Variants in COL11A1 observed in about 807,000 individuals in gnomAD.
COL11A1 encodes collagen alpha-1(XI) chain.
COL11A1 carries 74 observed loss-of-function variants against 265.2 expected under a neutral mutation model. That is an observed-to-expected ratio of 0.28 (90% CI 0.23 to 0.34). The LOEUF is 0.34. Ranked by LOEUF, COL11A1 falls within the 10% of genes least tolerant of loss-of-function variation. COL11A1 has a pLI of 1.00. For missense variants in COL11A1, 2,165 were observed against 2,263.6 expected, an observed-to-expected ratio of 0.96 and a Z score of 0.88; for synonymous variants, 816 against 727.6, an observed-to-expected ratio of 1.12 and a Z score of -1.96.
intron 44 of COL11A1, among the ~76,000 whole-genome samples, chr1:102,936,641 G>A (rs750611989): frequency 6.6e-6 from 1 of 152,040 alleles, no homozygotes; most frequent in Non-Finnish European, 1.5e-5. Flanking sequence ...ATAAAGAATT[G>A]TGTCAACACT....
intron 63 of COL11A1, among the ~76,000 whole-genome samples, chr1:102,886,399 T>C (rs1841841): frequency 0.49 from 74,303 of 151,960 alleles, 21,764 homozygotes; most frequent in East Asian, 0.67. Context: ...TCAGTTATGC[T>C]ATTTACACAT....
At chr1:102,910,879 A>G (rs1654591102) in intron 54 of COL11A1, among the ~76,000 whole-genome samples, 1 of 150,092 alleles carries the variant, frequency 6.7e-6, no homozygotes, top group South Asian at 2.1e-4. Context: ...GCCAGAAAAA[A>G]GATAAAAAAA....
intron 41 of COL11A1, among the ~76,000 whole-genome samples, chr1:102,953,061 A>T (rs895779091): frequency 1.3e-5 from 2 of 152,140 alleles, no homozygotes; most frequent in Non-Finnish European, 2.9e-5. Flanking sequence ...TTGTGTATAT[A>T]CTTTTTTTGT....
chr1:102,998,229 T>C, intron 25 of COL11A1, 81 bp downstream of exon 25: 1 of 1,158,826 alleles, frequency 8.6e-7, no homozygotes, highest in Non-Finnish European at 1.3e-6. Context: ...TAACCTCATA[T>C]AATCATTTCT....
At position 103,017,853 on chromosome 1, in the gene COL11A1, GC is replaced by G; in HGVS notation, c.1379del (p.Gly460AlafsTer34). ...AGIMGPPGLQ[G>X]PTGPPGDPGD... ...CAGGGTCACCAGGGGGTCCAGTGGG[GC>G]CTTGTAGACCTGGAGGACCCATAAT... On this transcript the variant is annotated frameshift_variant, in exon 11 of 67. Coordinates refer to ENST00000370096, the MANE Select transcript of COL11A1 (RefSeq NM_001854.4). LOFTEE classifies it high-confidence loss of function. The G allele has an allele frequency of 6.2e-7, 1 of 1,613,088 alleles. No homozygotes were observed. The highest frequency in any genetic ancestry group is 8.5e-7 in the Non-Finnish European group (1 of 1,179,192).
intron 25 of COL11A1, among the ~76,000 whole-genome samples, chr1:102,997,378 A>G (rs949258893): frequency 6.6e-6 from 1 of 151,990 alleles, no homozygotes; most frequent in African/African-American, 2.4e-5. Context: ...GAGCTTAGAA[A>G]AAGCACATAA....
At chr1:103,014,467 C>T (rs1308474854) in intron 13 of COL11A1, 44 bp downstream of exon 13, 1 of 1,467,616 alleles carries the variant, frequency 6.8e-7, no homozygotes, top group Non-Finnish European at 9.6e-7. Context: ...ATACTTGATA[C>T]AGAGTCAGTC....
At position 102,896,425 on chromosome 1, in the gene COL11A1, G is replaced by A. The variant is rs1652434607; in HGVS notation, c.4302+1700C>T. Among the ~76,000 whole-genome samples, 3 of 152,188 alleles carry A rather than the reference G, an allele frequency of 2.0e-5. No homozygotes were observed. The South Asian group carries it at 6.2e-4, about 32-fold the overall frequency. ...AAATTGCCATAAATGGCATTTTGAA[G>A]ATGATTTATCTGCCCATCCTCACCT... On this transcript the variant is annotated intron_variant, in intron 57 of 66. Coordinates refer to ENST00000370096, the MANE Select transcript of COL11A1 (RefSeq NM_001854.4).
chr1:103,004,743 A>G, intron 18 of COL11A1, 82 bp from the exon 19 acceptor site: 1 of 1,203,576 alleles, frequency 8.3e-7, no homozygotes, highest in South Asian at 1.3e-5. Flanking sequence ...TCCAAACCAA[A>G]TAAAACAGGA....
intron 49 of COL11A1, 122 bp downstream of exon 49, chr1:102,920,189 G>T: frequency 1.1e-6 from 1 of 938,828 alleles, no homozygotes; most frequent in Non-Finnish European, 1.7e-6. Flanking sequence ...GATGACATGT[G>T]AATCATATAA....
intron 1 of COL11A1, among the ~76,000 whole-genome samples, chr1:103,088,706 G>GCT (rs1180985442): frequency 6.6e-6 from 1 of 152,180 alleles, no homozygotes; most frequent in Non-Finnish European, 1.5e-5. Flanking sequence ...GCCCTTTTAA[G>GCT]CTGAGTCCCT....
intron 4 of COL11A1, among the ~76,000 whole-genome samples, chr1:103,044,179 C>A (rs1185733702): frequency 7.7e-6 from 1 of 130,716 alleles, no homozygotes. Flanking sequence ...TTTTTTTTTT[C>A]AAACACCCCA....
At position 103,022,883 on chromosome 1, in the gene COL11A1, C is replaced by T. The variant is rs779799630; in HGVS notation, c.1104G>A (p.Arg368=). ...TLYENKEIDG[R]DSDLLVDGDL... ...CTCCATCTACCAGAAGATCAGAATC[C>T]CTGCCGTCTATTTCTTTGTTTTCAT... The change falls in exon 8 of 67, where the codon AGG becomes AGA. Residue 368 remains arginine (R), a synonymous_variant. Coordinates refer to ENST00000370096, the MANE Select transcript of COL11A1 (RefSeq NM_001854.4). The T allele has an allele frequency of 6.2e-7, 1 of 1,613,738 alleles. No individual in the cohort carries two copies. Among genetic ancestry groups the T allele is most frequent in the Non-Finnish European group, 8.5e-7 (1 of 1,179,962 alleles).
chr1:103,069,461 CT>C (rs1671403831), intron 4 of COL11A1, among the ~76,000 whole-genome samples: 1 of 151,620 alleles, frequency 6.6e-6, no homozygotes, highest in South Asian at 2.1e-4. Context: ...CGTTCTGATA[CT>C]AAAAATAGAA....
intron 2 of COL11A1, among the ~76,000 whole-genome samples, chr1:103,081,358 A>G (rs1672398686): frequency 6.6e-6 from 1 of 151,798 alleles, no homozygotes; most frequent in South Asian, 2.1e-4. Context: ...TTTTTCTATT[A>G]AGGATGCTTT....
At chr1:103,014,473 C>T (rs751295336) in intron 13 of COL11A1, 38 bp downstream of exon 13, 1 of 1,504,352 alleles carries the variant, frequency 6.6e-7, no homozygotes, top group Admixed American at 1.7e-5. Context: ...GATACAGAGT[C>T]AGTCATCTTG....
intron 4 of COL11A1, among the ~76,000 whole-genome samples, chr1:103,044,851 C>T (rs1669119164): frequency 6.6e-6 from 1 of 151,610 alleles, no homozygotes; most frequent in Admixed American, 6.6e-5. Flanking sequence ...ATGTAGTATG[C>T]CAGAAAGTAA....
intron 4 of COL11A1, among the ~76,000 whole-genome samples, chr1:103,062,233 T>C (rs1670731196): frequency 1.3e-5 from 2 of 152,130 alleles, no homozygotes; most frequent in Admixed American, 6.5e-5. Context: ...GGGTTCACTG[T>C]TGAAGTCTAT....
At chr1:103,105,078 T>G (rs1674584920) in intron 1 of COL11A1, among the ~76,000 whole-genome samples, 1 of 111,728 alleles carries the variant, frequency 9.0e-6, no homozygotes, top group Non-Finnish European at 2.1e-5. Context: ...GTGATTCAAT[T>G]AGATTTTTTT....
Sources: allele counts gnomAD v4.1 joint callset (sites outside exome capture counted in the v4.1 genomes callset), GRCh38; gene constraint gnomAD v4.1.1; transcripts MANE v1.5; gene names NCBI Gene and HGNC (gene_info 2026-07-23, HGNC 2026-07-21).